The following SLC38A9 variants were observed in gnomAD, a reference collection of about 807,000 sequenced individuals.
SLC38A9 encodes the protein neutral amino acid transporter 9.
SLC38A9 carries 48 observed loss-of-function variants against 62.3 expected under a neutral mutation model. The ratio of observed to expected loss-of-function variants is 0.77; its 90% confidence interval spans 0.61 to 0.98. SLC38A9 has a LOEUF of 0.98. Ranked by LOEUF, SLC38A9 falls within the 50% of genes least tolerant of loss-of-function variation. The probability of loss-of-function intolerance (pLI) is 0.00; values close to 1 mark genes in which losing one functional copy is unlikely to be tolerated. For missense variants in SLC38A9, 541 were observed against 679.8 expected (o/e 0.80, Z 2.27); for synonymous variants, 204 against 227.7 (o/e 0.90, Z 0.94).
At chr5:55,670,836 A>G (rs967137946) in intron 4 of SLC38A9, among the ~76,000 whole-genome samples, 1 of 152,194 alleles carries the variant, frequency 6.6e-6, no homozygotes, top group Non-Finnish European at 1.5e-5. Context: ...TTATGGAACT[A>G]AGACTTCGCC....
intron 2 of SLC38A9, among the ~76,000 whole-genome samples, chr5:55,699,502 C>T (rs1213834286): frequency 6.6e-6 from 1 of 152,090 alleles, no homozygotes; most frequent in Non-Finnish European, 1.5e-5. Flanking sequence ...TTAAAGACAA[C>T]AAACAGTGAG....
chr5:55,661,854 G>A (rs11950714), intron 8 of SLC38A9, among the ~76,000 whole-genome samples: 83,056 of 151,948 alleles, frequency 0.55, 24,049 homozygotes, highest in South Asian at 0.65. Flanking sequence ...CCAACAACCC[G>A]ATAGAAAAAT....
chr5:55,649,416 C>G, intron 10 of SLC38A9, 102 bp from the exon 11 acceptor site: 1 of 628,300 alleles, frequency 1.6e-6, no homozygotes, highest in Non-Finnish European at 2.6e-6. Context: ...GTGTGGGAAA[C>G]TGTTAACTGC....
At chr5:55,687,426 CAAAAAAAAAAAAA>C (rs34476189) in intron 3 of SLC38A9, among the ~76,000 whole-genome samples, 1 of 76,396 alleles carries the variant, frequency 1.3e-5, no homozygotes, top group Non-Finnish European at 2.3e-5. Context: ...GACTCCGTCT[CAAAAAAAAAAAAA>C]AAAAAAAAAA....
At chr5:55,650,480 G>A (rs1373148928) in intron 10 of SLC38A9, among the ~76,000 whole-genome samples, 1 of 152,166 alleles carries the variant, frequency 6.6e-6, no homozygotes, top group African/African-American at 2.4e-5. Flanking sequence ...GTGCCCAATT[G>A]AGCAAATCCT....
Position 55,626,137 on chromosome 5 carries a change from T to TGC in SLC38A9, c.*355_*356dup, listed in dbSNP as rs930395532. ...ACAGAAGCAGGATTTGACAATATGC[T>TGC]GCTCTGACACCCTGAGAATCTTTAC... On this transcript the variant is annotated 3_prime_UTR_variant, in exon 16 of 16. Coordinates refer to ENST00000396865, the MANE Select transcript of SLC38A9 (RefSeq NM_173514.4). 57 of 170,624 alleles carry TGC rather than the reference T, an allele frequency of 3.3e-4. No homozygotes were observed. The highest frequency in any genetic ancestry group is 1.3e-3 in the African/African-American group (56 of 42,080). The allele number at this position is 170,624 out of a possible 1,614,324, so 10.6% of individuals were successfully genotyped here.
chr5:55,698,313 A>C lies in SLC38A9; in HGVS notation c.-34-321T>G, dbSNP rs141168621. Among the ~76,000 whole-genome samples, 590 of 152,312 alleles carry C rather than the reference A, an allele frequency of 3.9e-3. 4 individuals carry two copies. Among genetic ancestry groups the C allele is most frequent in the African/African-American group, 0.013 (556 of 41,570 alleles). Reference sequence around the variant, plus strand: ...TTAAAATCTTTGAAAAGCATCAAAAACAGTAAGGAAAATCAGGCCATTTGT... The same window carrying C: ...TTAAAATCTTTGAAAAGCATCAAAACCAGTAAGGAAAATCAGGCCATTTGT... On this transcript the variant is annotated intron_variant, in intron 2 of 15. Transcript: ENST00000396865.
intron 2 of SLC38A9, among the ~76,000 whole-genome samples, chr5:55,711,007 A>C (rs1757960972): frequency 4.0e-5 from 6 of 151,632 alleles, no homozygotes. Context: ...AAAAAGAAAA[A>C]AGAGGCTGGG....
At chr5:55,653,806 A>C (rs1403923397) in intron 9 of SLC38A9, among the ~76,000 whole-genome samples, 1 of 152,040 alleles carries the variant, frequency 6.6e-6, no homozygotes, top group Admixed American at 6.6e-5. Flanking sequence ...TTACAGGCGC[A>C]TGCCACCATG....
At chr5:55,688,305 G>A (rs1354872811) in intron 3 of SLC38A9, among the ~76,000 whole-genome samples, 3 of 151,666 alleles carry the variant, frequency 2.0e-5, no homozygotes, top group Non-Finnish European at 2.9e-5. Context: ...TTGAATAGGA[G>A]TAGTGAGGGA....
chr5:55,649,117 T>TA (rs35843566), intron 11 of SLC38A9, 90 bp downstream of exon 11: 443 of 558,622 alleles, frequency 7.9e-4, no homozygotes, highest in Middle Eastern at 2.4e-3. Flanking sequence ...ATGCTCAGCA[T>TA]AAAAAAAAAA....
chr5:55,688,126 G>A (rs994314109), intron 3 of SLC38A9, among the ~76,000 whole-genome samples: 1 of 152,196 alleles, frequency 6.6e-6, no homozygotes, highest in African/African-American at 2.4e-5. Flanking sequence ...AGACTTCACT[G>A]AAGTTGCTTA....
intron 3 of SLC38A9, among the ~76,000 whole-genome samples, chr5:55,676,217 C>T (rs1561392034): frequency 6.6e-6 from 1 of 152,174 alleles, no homozygotes; most frequent in South Asian, 2.1e-4. Context: ...TTGCCTAGGC[C>T]AGAGTGCAGT....
chr5:55,646,147 G>A (rs995537173), intron 11 of SLC38A9, among the ~76,000 whole-genome samples: 1 of 152,200 alleles, frequency 6.6e-6, no homozygotes, highest in Non-Finnish European at 1.5e-5. Context: ...AGGCCAAGGT[G>A]GGCGGATCAC....
Position 55,664,767 on chromosome 5 carries a change from G to A in SLC38A9, c.623C>T (p.Ser208Phe), listed in dbSNP as rs777937561. 1 of 1,596,810 alleles carries A rather than the reference G, an allele frequency of 6.3e-7. No homozygotes were observed. The highest frequency in any genetic ancestry group is 8.5e-7 in the Non-Finnish European group (1 of 1,173,620). ...ATAAACTATCATTGCTCCAATGAGA[G>A]ACACCAAGGAGAAAAGGAGACTCGA... ...QWSSLLFSLV[S>F]LIGAMIVYWV... The change falls in exon 8 of 16, where the codon TCT (serine) becomes TTT (phenylalanine). Residue 208 changes from serine (S) to phenylalanine (F), a missense_variant. Transcript: ENST00000396865.
chr5:55,694,754 CTCCTT>C (rs570063941), intron 3 of SLC38A9, among the ~76,000 whole-genome samples: 6 of 139,758 alleles, frequency 4.3e-5, no homozygotes, highest in South Asian at 2.6e-4. Context: ...CTCCTCTCCT[CTCCTT>C]TCCTTTCCTT....
chr5:55,671,502 C>CTTTTTTTTTTT (rs145470405), intron 4 of SLC38A9, among the ~76,000 whole-genome samples: 1 of 144,352 alleles, frequency 6.9e-6, no homozygotes, highest in South Asian at 2.1e-4. Context: ...GTTTCCCATT[C>CTTTTTTTTTTT]TTCTTTTTTT....
At chr5:55,657,770 G>A (rs1299869505) in intron 8 of SLC38A9, among the ~76,000 whole-genome samples, 1 of 152,190 alleles carries the variant, frequency 6.6e-6, no homozygotes, top group African/African-American at 2.4e-5. Context: ...GAATAAGATA[G>A]TAAAAGGTGC....
intron 4 of SLC38A9, among the ~76,000 whole-genome samples, chr5:55,670,573 T>C (rs780470186): frequency 4.9e-4 from 74 of 152,242 alleles, no homozygotes; most frequent in Non-Finnish European, 9.7e-4. Context: ...AGAATGGTTA[T>C]ATCATTGTCA....
Sources: allele counts gnomAD v4.1 joint callset (sites outside exome capture counted in the v4.1 genomes callset), GRCh38; gene constraint gnomAD v4.1.1; transcripts MANE v1.5; gene names NCBI Gene and HGNC (gene_info 2026-07-23, HGNC 2026-07-21).